Variants in DTNBP1 observed in about 807,000 individuals in gnomAD.
DTNBP1 encodes dystrobrevin binding protein 1.
A neutral mutation model predicts 42.8 loss-of-function variants in DTNBP1; 35 were observed. The ratio of observed to expected loss-of-function variants is 0.82; its 90% CI spans 0.63 to 1.09. The LOEUF (loss-of-function observed/expected upper bound fraction) is 1.09, where lower values mean the gene tolerates loss of function less well. Ranked by LOEUF, DTNBP1 falls within the 50% of genes least tolerant of loss-of-function variation. The pLI is 0.00. For synonymous variants in DTNBP1, 171 were observed against 162.2 expected, an observed-to-expected ratio of 1.05 and a Z score of -0.41; for missense variants, 457 against 424.2, an observed-to-expected ratio of 1.08 and a Z score of -0.68.
chr6:15,627,558 T>C (rs780086856), intron 4 of DTNBP1, 83 bp from the exon 5 acceptor site: 14 of 1,574,134 alleles, frequency 8.9e-6, no homozygotes, highest in Non-Finnish European at 1.2e-5. Context: ...GATTTAATGT[T>C]ATCTTTAACA....
At chr6:15,615,558 C>T (rs1302852625) in intron 5 of DTNBP1, among the ~76,000 whole-genome samples, 159 bp from the exon 6 acceptor site, 2 of 152,082 alleles carry the variant, frequency 1.3e-5, no homozygotes, top group East Asian at 1.9e-4. Context: ...AATATACTGG[C>T]CAACATTAAA....
intron 7 of DTNBP1, among the ~76,000 whole-genome samples, chr6:15,590,997 T>C (rs1776275745): frequency 6.6e-6 from 1 of 152,160 alleles, no homozygotes; most frequent in Non-Finnish European, 1.5e-5. Flanking sequence ...AAAAAGGCAA[T>C]ATTCAAAAAA....
At chr6:15,525,223 C>G (rs1772298487) in intron 8 of DTNBP1, among the ~76,000 whole-genome samples, 1 of 152,246 alleles carries the variant, frequency 6.6e-6, no homozygotes, top group South Asian at 2.1e-4. Context: ...ACCCAGCCCA[C>G]CAGCAGACGG....
rs78229094 is a variant in DTNBP1 at position 15,649,780 on chromosome 6, G to A, written c.161+1533C>T. ...GATGTATAAACACATTATTGACACCGTCTTACGGATGTAAATTTTCTATAT... is the reference window on the plus strand; with the variant it reads ...GATGTATAAACACATTATTGACACCATCTTACGGATGTAAATTTTCTATAT... On this transcript the variant is annotated intron_variant, in intron 3 of 9. Transcript: ENST00000344537. Among the ~76,000 whole-genome samples, 104 of 152,168 alleles carry A rather than the reference G, an allele frequency of 6.8e-4. 2 individuals are homozygous for A. In the East Asian group the frequency reaches 0.014, roughly 21 times the overall value.
intron 9 of DTNBP1, chr6:15,523,434 T>G: frequency 7.9e-7 from 1 of 1,272,416 alleles, no homozygotes; most frequent in Non-Finnish European, 1.0e-6. Flanking sequence ...TTCTGTCCCC[T>G]AAGGAGTCAG....
At position 15,627,425 on chromosome 6, in the gene DTNBP1, CT is replaced by C; in HGVS notation, c.272del (p.Lys91ArgfsTer17). 1 of 1,613,960 alleles carries C rather than the reference CT, an allele frequency of 6.2e-7. No individual in the cohort carries two copies. Among genetic ancestry groups the C allele is most frequent in the Non-Finnish European group, 8.5e-7 (1 of 1,179,956 alleles). On this transcript the variant is annotated frameshift_variant, in exon 5 of 10. Coordinates refer to ENST00000344537, the MANE Select transcript of DTNBP1 (RefSeq NM_032122.5). LOFTEE classifies it high-confidence loss of function. ...VMLSAHWEKK[K>X]TSLVELQEQL... The stretch of plus-strand genomic sequence containing the variant: ...GCTCTTGCAGCTCCACGAGGCTTGT[CT>C]TTTTCTTCTCCCAGTGCGCAGAAAG...
intron 6 of DTNBP1, among the ~76,000 whole-genome samples, chr6:15,608,538 T>C (rs1456796603): frequency 6.6e-6 from 1 of 152,190 alleles, no homozygotes; most frequent in Non-Finnish European, 1.5e-5. Flanking sequence ...ATTCCCTTGG[T>C]GTCTCTTCTG....
chr6:15,635,188 G>A (rs1386630427), intron 4 of DTNBP1, among the ~76,000 whole-genome samples: 3 of 151,956 alleles, frequency 2.0e-5, no homozygotes, highest in East Asian at 3.9e-4. Context: ...GCATGATCTC[G>A]GCTCATTGCA....
chr6:15,548,809 CAAAA>C (rs1351294697), intron 7 of DTNBP1, among the ~76,000 whole-genome samples: 3 of 151,856 alleles, frequency 2.0e-5, no homozygotes, highest in African/African-American at 7.3e-5. Context: ...ATTTAAAAAA[CAAAA>C]AGAAAAAAGC....
At chr6:15,649,306 C>T (rs1202674346) in intron 3 of DTNBP1, among the ~76,000 whole-genome samples, 1 of 152,130 alleles carries the variant, frequency 6.6e-6, no homozygotes. Flanking sequence ...ATGGTACATA[C>T]TTACAATAGA....
At chr6:15,572,481 A>G (rs1775379619) in intron 7 of DTNBP1, among the ~76,000 whole-genome samples, 1 of 152,240 alleles carries the variant, frequency 6.6e-6, no homozygotes, top group South Asian at 2.1e-4. Flanking sequence ...AACAATGGAA[A>G]ACAAGTCACT....
At chr6:15,577,045 G>C (rs557928967) in intron 7 of DTNBP1, among the ~76,000 whole-genome samples, 2 of 152,370 alleles carry the variant, frequency 1.3e-5, no homozygotes, top group East Asian at 3.9e-4. Flanking sequence ...AAGAGAGAGA[G>C]AGAATGATAT....
At chr6:15,656,677 G>A (rs1761299589) in intron 1 of DTNBP1, among the ~76,000 whole-genome samples, 1 of 152,146 alleles carries the variant, frequency 6.6e-6, no homozygotes, top group Non-Finnish European at 1.5e-5. Context: ...GAACCCAGGA[G>A]GTTGAGGCTG....
chr6:15,523,931 G>T, intron 9 of DTNBP1: 1 of 1,287,378 alleles, frequency 7.8e-7, no homozygotes, highest in Non-Finnish European at 1.0e-6. Context: ...ACTGAGCTTT[G>T]CCTTGACCCA....
At chr6:15,557,652 A>C (rs1774605221) in intron 7 of DTNBP1, among the ~76,000 whole-genome samples, 1 of 152,180 alleles carries the variant, frequency 6.6e-6, no homozygotes, top group Non-Finnish European at 1.5e-5. Flanking sequence ...ATTTCATGTA[A>C]TATTAAAAGA....
At chr6:15,660,788 T>C (rs991919764) in intron 1 of DTNBP1, among the ~76,000 whole-genome samples, 1 of 152,104 alleles carries the variant, frequency 6.6e-6, no homozygotes, top group Non-Finnish European at 1.5e-5. Context: ...GTCAGGAGCA[T>C]GAATGCTTCT....
intron 7 of DTNBP1, among the ~76,000 whole-genome samples, chr6:15,586,304 T>A (rs921535536): frequency 6.6e-6 from 1 of 152,160 alleles, no homozygotes; most frequent in African/African-American, 2.4e-5. Flanking sequence ...TGGCTTGGAA[T>A]GTGCTATATA....
chr6:15,569,353 A>ACCCCCCCCCCCCCC (rs11332178), intron 7 of DTNBP1, among the ~76,000 whole-genome samples: 54 of 127,156 alleles, frequency 4.2e-4, no homozygotes, highest in African/African-American at 5.1e-4. Context: ...GCCAGTTAAG[A>ACCCCCCCCCCCCCC]CCCCCCCCCG....
chr6:15,609,601 G>A (rs1758282481), intron 6 of DTNBP1, among the ~76,000 whole-genome samples: 1 of 152,204 alleles, frequency 6.6e-6, no homozygotes, highest in South Asian at 2.1e-4. Context: ...GTACAGGCGT[G>A]AGCCACCACG....
Sources: allele counts gnomAD v4.1 joint callset (sites outside exome capture counted in the v4.1 genomes callset), GRCh38; gene constraint gnomAD v4.1.1; transcripts MANE v1.5; gene names NCBI Gene and HGNC (gene_info 2026-07-23, HGNC 2026-07-21).